The following ZNF133 variants were observed in gnomAD, a reference collection of about 807,000 sequenced individuals.
ZNF133 encodes the protein zinc finger protein 133, also known as zinc finger protein 133 (clone pHZ-13).
Under a neutral mutation model 54.9 loss-of-function variants are expected in ZNF133, and 26 were observed. That is an observed-to-expected ratio of 0.47 (90% CI 0.35 to 0.66). The LOEUF (loss-of-function observed/expected upper bound fraction) is 0.66, where lower values mean the gene tolerates loss of function less well. Among genes scored for constraint, ZNF133 ranks in the 30% least tolerant of loss-of-function variants. ZNF133 has a pLI of 0.01. For synonymous variants in ZNF133, 298 were observed against 320.3 expected (o/e 0.93, Z 0.74); for missense variants, 653 against 820.8 (o/e 0.80, Z 2.50).
At position 18,315,177 on chromosome 20, in the gene ZNF133, C is replaced by T. The variant is rs1224299484; in HGVS notation, c.326C>T (p.Thr109Ile). ...VLCNHPPWIF[T>I]CLCAEGNIQP... ...TGTAATCATCCCCCCTGGATCTTCA[C>T]ATGCTTGTGTGCAGAAGGTAACATC... Residue 109 changes from threonine to isoleucine, a missense_variant, in exon 7 of 7, where the codon ACA becomes ATA. Transcript: ENST00000425686. The T allele has an allele frequency of 1.4e-5, 23 of 1,613,312 alleles. No individual in the cohort carries two copies. Among genetic ancestry groups the T allele is most frequent in the Non-Finnish European group, 1.8e-5 (21 of 1,179,632 alleles).
intron 1 of ZNF133, among the ~76,000 whole-genome samples, chr20:18,295,678 G>A (rs1276858333): frequency 6.6e-6 from 1 of 151,726 alleles, no homozygotes; most frequent in Admixed American, 6.6e-5. Context: ...TATTTTTTGA[G>A]GCAGGGTCTC....
chr20:18,315,040 A>G (rs757566058), intron 6 of ZNF133, 29 bp from the exon 7 acceptor site: 1 of 1,514,208 alleles, frequency 6.6e-7, no homozygotes, highest in Non-Finnish European at 8.8e-7. Flanking sequence ...CTGAGGACTC[A>G]GTTGTGACTC....
In ZNF133 at chr20:18,305,268, C is replaced by A; in HGVS notation, c.-7+90C>A. On this transcript the variant is annotated intron_variant, in intron 4 of 6. Transcript: ENST00000425686. The surrounding 1 kb of genome is among the most constrained non-coding windows in gnomAD (Gnocchi z 4.7). Reference sequence around the variant, plus strand: ...GGGCTTCACTACTCTCTGCTTGTGACCATCAGGCCCGAGAAAGCCAAGCCG... The same window carrying A: ...GGGCTTCACTACTCTCTGCTTGTGAACATCAGGCCCGAGAAAGCCAAGCCG... The A allele has an allele frequency of 1.1e-6, 1 of 919,184 alleles. No homozygotes were observed. Among genetic ancestry groups the A allele is most frequent in the Non-Finnish European group, 1.3e-6 (1 of 764,816 alleles). The allele number at this position is 919,184 out of a possible 1,614,324, so 56.9% of individuals were successfully genotyped here.
intron 6 of ZNF133, among the ~76,000 whole-genome samples, chr20:18,312,000 T>C (rs914959766): frequency 6.6e-6 from 1 of 152,226 alleles, no homozygotes; most frequent in Non-Finnish European, 1.5e-5. Flanking sequence ...TTTCAGATTT[T>C]GGGTTTGTTT....
Position 18,315,595 on chromosome 20 carries a change from G to A in ZNF133, c.744G>A (p.Glu248=). 1 of 1,613,964 alleles carries A rather than the reference G, an allele frequency of 6.2e-7. No homozygotes were observed. Among genetic ancestry groups the A allele is most frequent in the Non-Finnish European group, 8.5e-7 (1 of 1,179,938 alleles). Reference sequence around the variant, plus strand: ...AGCCCTACGTGTGTGGGGTATGTGAGAAGGGCTTCAGCCTAAAGAAGAGCC... The same window carrying A: ...AGCCCTACGTGTGTGGGGTATGTGAAAAGGGCTTCAGCCTAAAGAAGAGCC... ...GEKPYVCGVC[E]KGFSLKKSLA... The change falls in exon 7 of 7, where the codon GAG becomes GAA. Residue 248 remains glutamate, a synonymous_variant. Transcript: ENST00000425686.
chr20:18,310,112 T>C, intron 6 of ZNF133: 1 of 1,290,236 alleles, frequency 7.8e-7, no homozygotes, highest in Non-Finnish European at 9.8e-7. Flanking sequence ...CCTATCATTG[T>C]CTTAAAGCGA....
rs1600287379 is a variant in ZNF133, at chr20:18,288,572, G to A, written c.-464G>A. The A allele has an allele frequency of 2.5e-6, 1 of 398,704 alleles. No homozygotes were observed. The highest frequency in any genetic ancestry group is 4.4e-6 in the Non-Finnish European group (1 of 226,120). The allele number at this position is 398,704 out of a possible 1,614,324, so 24.7% of individuals were successfully genotyped here. On this transcript the variant is annotated 5_prime_UTR_variant, in exon 1 of 7. Coordinates refer to ENST00000425686, the MANE Select transcript of ZNF133 (RefSeq NM_001352452.2). ...CGCTGGAGGAGCTCCCCAGCTGGTGGCTGGAGCGACCCCTTGTTCTTTGGT... is the reference window on the plus strand; with the variant it reads ...CGCTGGAGGAGCTCCCCAGCTGGTGACTGGAGCGACCCCTTGTTCTTTGGT...
intron 1 of ZNF133, among the ~76,000 whole-genome samples, chr20:18,294,320 C>A (rs140312685): frequency 1.3e-5 from 2 of 152,012 alleles, no homozygotes; most frequent in African/African-American, 4.8e-5. Flanking sequence ...GCGCCAAGTT[C>A]GTGAAAGATG....
chr20:18,296,462 AC>A (rs567377421), intron 1 of ZNF133, among the ~76,000 whole-genome samples: 1 of 151,952 alleles, frequency 6.6e-6, no homozygotes, highest in Non-Finnish European at 1.5e-5. Context: ...ATTCTCCCTT[AC>A]CCCAACCACC....
rs112881840 is a variant in ZNF133, at chr20:18,316,852, G to A, written c.*36G>A. 2.6e-5 allele frequency: 40 copies of A among 1,549,136 alleles called. No homozygotes were observed. In the African/African-American group the frequency reaches 3.7e-4, roughly 14 times the overall value. ...GGGGACAAGGACTAAGAGTCAGAAT[G>A]TTGACACTTTGATGAAATGGAGTAG... On this transcript the variant is annotated 3_prime_UTR_variant, in exon 7 of 7. Transcript: ENST00000425686.
chr20:18,301,273 TA>T (rs1329453789), intron 3 of ZNF133, among the ~76,000 whole-genome samples: 1 of 152,064 alleles, frequency 6.6e-6, no homozygotes, highest in African/African-American at 2.4e-5. Context: ...TGAGATGAAG[TA>T]AAGTGCTAGG....
intron 1 of ZNF133, 73 bp from the exon 2 acceptor site, chr20:18,297,912 G>C: frequency 1.0e-6 from 1 of 986,530 alleles, no homozygotes; most frequent in Non-Finnish European, 1.5e-6. Flanking sequence ...TGGGGTTAAA[G>C]AGCAGGCCCT....
At chr20:18,309,754 G>C (rs948530950) in intron 6 of ZNF133, among the ~76,000 whole-genome samples, 16 of 152,176 alleles carry the variant, frequency 1.1e-4, no homozygotes, top group African/African-American at 3.6e-4. Context: ...AAAAAAGTAT[G>C]GTAGGTAATG....
chr20:18,299,077 A>G (rs550214470), intron 3 of ZNF133, among the ~76,000 whole-genome samples: 2 of 152,304 alleles, frequency 1.3e-5, no homozygotes, highest in Non-Finnish European at 1.5e-5. Context: ...TGAGGAAAAT[A>G]TGACCCATTC....
chr20:18,297,255 G>C (rs193281287), intron 1 of ZNF133, among the ~76,000 whole-genome samples: 1 of 151,830 alleles, frequency 6.6e-6, no homozygotes, highest in East Asian at 1.9e-4. Context: ...CTAAGTGCTC[G>C]TCATGTTTTC....
intron 1 of ZNF133, among the ~76,000 whole-genome samples, chr20:18,297,172 T>G (rs1248206246): frequency 2.0e-5 from 3 of 152,208 alleles, no homozygotes; most frequent in Admixed American, 6.5e-5. Flanking sequence ...TTGTCTGTTT[T>G]CCTTTCCAGC....
intron 6 of ZNF133, among the ~76,000 whole-genome samples, chr20:18,312,406 T>C (rs929543267): frequency 6.6e-6 from 1 of 152,274 alleles, no homozygotes; most frequent in Non-Finnish European, 1.5e-5. Flanking sequence ...ATTATGCTAA[T>C]GTTATGTTTA....
chr20:18,291,563 C>G (rs2040997344), intron 1 of ZNF133, among the ~76,000 whole-genome samples: 1 of 152,144 alleles, frequency 6.6e-6, no homozygotes, highest in Admixed American at 6.5e-5. Context: ...TCTTAGACCT[C>G]CTGTCTTCTT....
At chr20:18,309,682 G>T (rs1168183391) in intron 6 of ZNF133, among the ~76,000 whole-genome samples, 1 of 152,204 alleles carries the variant, frequency 6.6e-6, no homozygotes, top group Non-Finnish European at 1.5e-5. Flanking sequence ...AGGATGTGAG[G>T]CTGGTAGGTG....
Sources: allele counts gnomAD v4.1 joint callset (sites outside exome capture counted in the v4.1 genomes callset), GRCh38; gene constraint gnomAD v4.1.1; non-coding constraint Gnocchi (gnomAD v3.1); transcripts MANE v1.5; gene names NCBI Gene and HGNC (gene_info 2026-07-23, HGNC 2026-07-21).